The following MEGF10 variants were observed in gnomAD, a reference collection of about 807,000 sequenced individuals.
MEGF10 encodes the protein multiple epidermal growth factor-like domains protein 10.
Under a neutral mutation model 147.5 loss-of-function variants are expected in MEGF10, and 86 were observed. The ratio of observed to expected loss-of-function variants is 0.58; its 90% CI spans 0.49 to 0.70. The LOEUF (loss-of-function observed/expected upper bound fraction) is 0.70, where lower values mean the gene tolerates loss of function less well. MEGF10 is among the 30% of genes least tolerant of loss of function. MEGF10 has a pLI of 0.00. For missense variants in MEGF10, 1,329 were observed against 1,487.3 expected (o/e 0.89, Z 1.75); for synonymous variants, 478 against 525.5 (o/e 0.91, Z 1.24).
the MEGF10 span, among the ~76,000 whole-genome samples, chr5:127,233,044 A>C: frequency 6.6e-6 from 1 of 152,200 alleles, no homozygotes; most frequent in South Asian, 2.1e-4. Context: ...GTGGTTCCTT[A>C]AAACACAGGA....
chr5:127,412,130 A>G (rs563172344), intron 9 of MEGF10, among the ~76,000 whole-genome samples: 1 of 152,368 alleles, frequency 6.6e-6, no homozygotes, highest in African/African-American at 2.4e-5. Context: ...ATATGTGTTA[A>G]CAAAGAAGTA....
At chr5:127,298,564 G>T (rs374136652) in intron 1 of MEGF10, among the ~76,000 whole-genome samples, 4 of 152,288 alleles carry the variant, frequency 2.6e-5, no homozygotes, top group African/African-American at 9.6e-5. Flanking sequence ...GCGTAGTGGG[G>T]TCCCAGGATG....
intron 1 of MEGF10, among the ~76,000 whole-genome samples, chr5:127,301,753 A>G (rs918747234): frequency 6.6e-6 from 1 of 152,252 alleles, no homozygotes; most frequent in Non-Finnish European, 1.5e-5. Flanking sequence ...CATTTAGCAT[A>G]GTGGTAGGCA....
At position 127,445,667 on chromosome 5, in the gene MEGF10, T is replaced by G; in HGVS notation, c.2702T>G (p.Val901Gly). Residue 901 changes from valine (V) to glycine (G), a missense_variant, in exon 20 of 25, where the codon GTC (valine) becomes GGC (glycine). Val to Gly is a moderately radical substitution (Grantham distance 109). Coordinates refer to ENST00000503335, the MANE Select transcript of MEGF10 (RefSeq NM_001256545.2). Reference sequence around the variant, plus strand: ...GTTACCTACACCCCTGCTATGAGGGTCGTCAATGCAGATTATACCATTTCA... The same window carrying G: ...GTTACCTACACCCCTGCTATGAGGGGCGTCAATGCAGATTATACCATTTCA... ...PAVTYTPAMR[V>G]VNADYTISGT... The G allele has an allele frequency of 6.2e-7, 1 of 1,613,826 alleles. No homozygotes were observed. Among genetic ancestry groups the G allele is most frequent in the Non-Finnish European group, 8.5e-7 (1 of 1,179,770 alleles).
chr5:127,276,003 G>GGGCT, the MEGF10 span, among the ~76,000 whole-genome samples: 1 of 152,190 alleles, frequency 6.6e-6, no homozygotes, highest in Non-Finnish European at 1.5e-5. Flanking sequence ...CCAGCCCAAA[G>GGGCT]GGTAGTAGGG....
the MEGF10 span, among the ~76,000 whole-genome samples, chr5:127,231,729 C>T: frequency 3.3e-5 from 5 of 152,218 alleles, no homozygotes; most frequent in African/African-American, 1.2e-4. Context: ...TGAGCTTAGG[C>T]TTCTTGATTC....
intron 5 of MEGF10, among the ~76,000 whole-genome samples, chr5:127,382,485 T>A (rs185637595): frequency 6.6e-5 from 10 of 152,304 alleles, no homozygotes; most frequent in Non-Finnish European, 1.3e-4. Flanking sequence ...TAATTGGAAA[T>A]TTTTGTTCAT....
chr5:127,280,390 A>C, the MEGF10 span, among the ~76,000 whole-genome samples: 1 of 152,126 alleles, frequency 6.6e-6, no homozygotes, highest in Non-Finnish European at 1.5e-5. Flanking sequence ...GTTCAGTTTT[A>C]TTAATACATG....
rs1342479640 is a variant in MEGF10 at position 127,314,784 on chromosome 5, C to A, written c.-18-16507C>A. On this transcript the variant is annotated intron_variant, in intron 1 of 24. Coordinates refer to ENST00000503335, the MANE Select transcript of MEGF10 (RefSeq NM_001256545.2). ...TAGATTCTTCAATTGAGATATTCTT[C>A]ATGTATGGTTTACATTCATTAGATT... is the stretch of plus-strand genomic sequence containing the variant. Among the ~76,000 whole-genome samples the A allele has an allele frequency of 6.6e-5, 10 of 152,124 alleles. No homozygotes were observed. The East Asian group carries it at 1.9e-3, about 29-fold the overall frequency.
intron 4 of MEGF10, among the ~76,000 whole-genome samples, chr5:127,355,757 A>G (rs948800927): frequency 2.0e-5 from 3 of 152,204 alleles, no homozygotes; most frequent in Admixed American, 2.0e-4. Flanking sequence ...TTAGGATTTT[A>G]TAAATAGAAA....
intron 1 of MEGF10, among the ~76,000 whole-genome samples, chr5:127,299,744 T>C (rs1477944648): frequency 1.0e-5 from 1 of 100,356 alleles, no homozygotes; most frequent in African/African-American, 3.7e-5. Flanking sequence ...CTTTCCTTTT[T>C]GTTTTTTTTT....
chr5:127,343,121 A>G (rs1761746860), intron 4 of MEGF10, among the ~76,000 whole-genome samples: 1 of 152,144 alleles, frequency 6.6e-6, no homozygotes, highest in African/African-American at 2.4e-5. Flanking sequence ...TTGTGTTTTC[A>G]TAGTCTCTTT....
chr5:127,304,229 A>C (rs925480624), intron 1 of MEGF10, among the ~76,000 whole-genome samples: 19 of 152,220 alleles, frequency 1.2e-4, no homozygotes, highest in African/African-American at 4.6e-4. Flanking sequence ...TGTTTTGGGC[A>C]GAAGCTTCTA....
intron 5 of MEGF10, among the ~76,000 whole-genome samples, chr5:127,370,470 A>G (rs952376324): frequency 6.6e-5 from 10 of 152,204 alleles, no homozygotes; most frequent in Admixed American, 3.9e-4. Flanking sequence ...TTGTCTCTGA[A>G]TTCTGAGATG....
intron 13 of MEGF10, 24 bp from the exon 14 acceptor site, chr5:127,433,339 C>G (rs994688290): frequency 6.2e-7 from 1 of 1,614,062 alleles, no homozygotes; most frequent in Non-Finnish European, 8.5e-7. Flanking sequence ...CTCACTCAGC[C>G]TTGCCCCATG....
chr5:127,271,194 TC>T, the MEGF10 span, among the ~76,000 whole-genome samples: 1 of 152,226 alleles, frequency 6.6e-6, no homozygotes, highest in Non-Finnish European at 1.5e-5. Context: ...GTAAAAGTGT[TC>T]CTTTCTCTCC....
chr5:127,323,544 A>G (rs1468760641), intron 1 of MEGF10, among the ~76,000 whole-genome samples: 1 of 152,236 alleles, frequency 6.6e-6, no homozygotes, highest in Non-Finnish European at 1.5e-5. Context: ...TGTTAATGCT[A>G]CTAAAGATGC....
intron 1 of MEGF10, among the ~76,000 whole-genome samples, chr5:127,328,257 C>T (rs1000009951): frequency 6.6e-6 from 1 of 152,110 alleles, no homozygotes. Flanking sequence ...CTTGATCAAA[C>T]AATTCTTTTT....
intron 1 of MEGF10, among the ~76,000 whole-genome samples, chr5:127,317,734 A>G (rs892342276): frequency 6.6e-6 from 1 of 152,182 alleles, no homozygotes; most frequent in Non-Finnish European, 1.5e-5. Flanking sequence ...GGAGCATCAC[A>G]CACCAGGGCC....
Sources: allele counts gnomAD v4.1 joint callset (sites outside exome capture counted in the v4.1 genomes callset), GRCh38; gene constraint gnomAD v4.1.1; transcripts MANE v1.5; gene names NCBI Gene and HGNC (gene_info 2026-07-23, HGNC 2026-07-21).